Variants in KCNK2 observed in about 807,000 individuals in gnomAD.
The protein encoded by KCNK2 is potassium channel subfamily K member 2.
Under a neutral mutation model 40.5 loss-of-function variants are expected in KCNK2, and 21 were observed. The observed-to-expected ratio is 0.52, with a 90% CI of 0.37 to 0.75. The LOEUF is 0.75. Ranked by LOEUF, KCNK2 falls within the 30% of genes least tolerant of loss-of-function variation. KCNK2 has a pLI of 0.00. For synonymous variants in KCNK2, 191 were observed against 202.2 expected, an observed-to-expected ratio of 0.94 and a Z score of 0.47; for missense variants, 399 against 531.6, an observed-to-expected ratio of 0.75 and a Z score of 2.45.
intron 1 of KCNK2, among the ~76,000 whole-genome samples, chr1:215,011,601 AT>A (rs957516234): frequency 7.4e-5 from 11 of 147,694 alleles, no homozygotes; most frequent in African/African-American, 2.5e-4. Context: ...CTTGAGTCTG[AT>A]TTTTTTTTAT....
intron 3 of KCNK2, among the ~76,000 whole-genome samples, chr1:215,158,469 C>T (rs1333641676): frequency 3.9e-5 from 6 of 152,006 alleles, no homozygotes; most frequent in Admixed American, 6.6e-5. Context: ...TTTTAACTTA[C>T]GTGGGGTAGA....
chr1:215,192,707 T>A (rs1037776031), intron 5 of KCNK2, among the ~76,000 whole-genome samples: 8 of 152,180 alleles, frequency 5.3e-5, no homozygotes, highest in Non-Finnish European at 1.0e-4. Context: ...CTGTGAAGTT[T>A]TAGAGCCGTA....
At chr1:215,021,690 C>A (rs1012179753) in intron 1 of KCNK2, among the ~76,000 whole-genome samples, 1 of 151,954 alleles carries the variant, frequency 6.6e-6, no homozygotes, top group Non-Finnish European at 1.5e-5. Flanking sequence ...GGACTACAGG[C>A]GCCCGCCACC....
At chr1:215,092,636 A>G (rs1409718741) in intron 2 of KCNK2, among the ~76,000 whole-genome samples, 1 of 152,124 alleles carries the variant, frequency 6.6e-6, no homozygotes, top group East Asian at 1.9e-4. Flanking sequence ...TGATGTGTGC[A>G]TGGAACATTT....
At chr1:215,014,781 G>T (rs564863188) in intron 1 of KCNK2, among the ~76,000 whole-genome samples, 1 of 152,156 alleles carries the variant, frequency 6.6e-6, no homozygotes, top group South Asian at 2.1e-4. Flanking sequence ...GTGTTCCTTT[G>T]GCATTTCCAT....
intron 1 of KCNK2, among the ~76,000 whole-genome samples, chr1:215,069,367 A>T (rs184377101): frequency 9.9e-5 from 15 of 151,966 alleles, no homozygotes; most frequent in Non-Finnish European, 1.8e-4. Flanking sequence ...CTGGAATTTG[A>T]CTCCTTCTTT....
At chr1:215,154,940 G>A (rs965752576) in intron 3 of KCNK2, among the ~76,000 whole-genome samples, 1 of 152,030 alleles carries the variant, frequency 6.6e-6, no homozygotes, top group Admixed American at 6.6e-5. Context: ...TGGCCTGTAT[G>A]TCTGTTTTGG....
intron 5 of KCNK2, among the ~76,000 whole-genome samples, chr1:215,188,829 C>G (rs1664554481): frequency 6.6e-6 from 1 of 152,182 alleles, no homozygotes. Context: ...AGAAAAATTG[C>G]TTTGTTTGGA....
At chr1:215,231,777 G>A (rs1306265687) in intron 6 of KCNK2, among the ~76,000 whole-genome samples, 1 of 152,174 alleles carries the variant, frequency 6.6e-6, no homozygotes. Flanking sequence ...GAGATTTAAT[G>A]GACTCACAGT....
At chr1:215,108,396 C>A (rs755298391) in intron 2 of KCNK2, among the ~76,000 whole-genome samples, 5 of 152,134 alleles carry the variant, frequency 3.3e-5, no homozygotes, top group South Asian at 2.1e-4. Context: ...ATCCTGAAAC[C>A]AATCCCTCAT....
At chr1:215,050,466 A>G (rs967663937) in intron 1 of KCNK2, among the ~76,000 whole-genome samples, 3 of 152,182 alleles carry the variant, frequency 2.0e-5, no homozygotes, top group African/African-American at 7.2e-5. Flanking sequence ...GGGACAGTAC[A>G]ATAAAAACAA....
At chr1:215,202,770 TA>T (rs1300231082) in intron 6 of KCNK2, among the ~76,000 whole-genome samples, 1 of 152,120 alleles carries the variant, frequency 6.6e-6, no homozygotes, top group Non-Finnish European at 1.5e-5. Context: ...TAATGGCTAA[TA>T]AGGAAGCAGA....
At position 215,143,966 on chromosome 1, in the gene KCNK2, G is replaced by A. The variant is rs61139181; in HGVS notation, c.475+19216G>A. Among the ~76,000 whole-genome samples the A allele has an allele frequency of 6.8e-3, 1,033 of 152,178 alleles. 15 individuals are homozygous for A. The highest frequency in any genetic ancestry group is 0.023 in the African/African-American group (967 of 41,548). On this transcript the variant is annotated intron_variant, in intron 3 of 6. Transcript: ENST00000444842. ...TCTACAAGTAATTTGCAAGAAATCA[G>A]TATGAAAAACACTGGACTATATCTC... is the stretch of plus-strand genomic sequence containing the variant.
rs952651805 is a variant in KCNK2 at position 215,208,525 on chromosome 1, A to G, written c.963+13433A>G. On this transcript the variant is annotated intron_variant, in intron 6 of 6. Coordinates refer to ENST00000444842, the MANE Select transcript of KCNK2 (RefSeq NM_001017425.3). The stretch of plus-strand genomic sequence containing the variant: ...TAAAATAAAAGTTTAAAAACAAAAC[A>G]AAAACAACAAAAATGCTTCTCACAT... 2.0e-5 allele frequency among the ~76,000 whole-genome samples: 3 copies of G among 152,316 alleles called. No individual in the cohort carries two copies. The East Asian group carries it at 5.8e-4, about 29-fold the overall frequency.
chr1:215,191,036 G>A (rs1183035679), intron 5 of KCNK2, among the ~76,000 whole-genome samples: 5 of 150,330 alleles, frequency 3.3e-5, no homozygotes, highest in Non-Finnish European at 7.4e-5. Context: ...TGTAATCCTA[G>A]TACTTTGGGA....
At chr1:215,066,776 GGTA>G (rs1658562996) in intron 1 of KCNK2, among the ~76,000 whole-genome samples, 1 of 152,110 alleles carries the variant, frequency 6.6e-6, no homozygotes, top group African/African-American at 2.4e-5. Context: ...CTTCAGGCCA[GGTA>G]GTAGATTTTG....
intron 1 of KCNK2, among the ~76,000 whole-genome samples, chr1:215,073,054 G>C (rs1050921320): frequency 7.2e-5 from 11 of 152,144 alleles, no homozygotes; most frequent in Non-Finnish European, 1.3e-4. Context: ...TGGACACAGA[G>C]ACAGATACAC....
intron 3 of KCNK2, among the ~76,000 whole-genome samples, chr1:215,129,059 G>A (rs1661559085): frequency 2.6e-5 from 4 of 152,184 alleles, no homozygotes; most frequent in Non-Finnish European, 1.5e-5. Flanking sequence ...GATGATTGGA[G>A]TTGGTGTGGA....
chr1:215,158,885 C>T (rs1452280945), intron 3 of KCNK2, among the ~76,000 whole-genome samples: 1 of 152,050 alleles, frequency 6.6e-6, no homozygotes, highest in African/African-American at 2.4e-5. Context: ...GTGCACCCTG[C>T]TGACTTGGCA....
Sources: gnomAD v4.1 joint callset for allele counts (sites outside exome capture counted in the v4.1 genomes callset) on GRCh38, gnomAD v4.1.1 for gene constraint, MANE v1.5 for transcripts, NCBI Gene and HGNC (gene_info 2026-07-23, HGNC 2026-07-21) for gene names.